Variants in TEAD1 observed in about 807,000 individuals in gnomAD.
TEAD1 encodes the protein TEA domain transcription factor 1, also known as transcriptional enhancer factor TEF-1.
In TEAD1, 9 loss-of-function variants were observed where a neutral mutation model predicts 54.9. That is an observed-to-expected ratio of 0.16 (90% CI 0.10 to 0.29). The LOEUF (loss-of-function observed/expected upper bound fraction) is 0.29, where lower values mean the gene tolerates loss of function less well. Among genes scored for constraint, TEAD1 ranks in the 10% least tolerant of loss-of-function variants. The pLI, the probability that TEAD1 is intolerant of heterozygous loss-of-function variation, is 1.00. For missense variants in TEAD1, 387 were observed against 535.9 expected (o/e 0.72, Z 2.74); for synonymous variants, 200 against 187.8 (o/e 1.07, Z -0.53).
At chr11:12,906,012 C>G (rs967895532) in intron 10 of TEAD1, among the ~76,000 whole-genome samples, 11 of 152,100 alleles carry the variant, frequency 7.2e-5, no homozygotes, top group Admixed American at 3.9e-4. Flanking sequence ...AGTAGTCACT[C>G]CACTGATTTT....
intron 3 of TEAD1, among the ~76,000 whole-genome samples, chr11:12,847,706 A>G (rs1441395019): frequency 6.6e-6 from 1 of 152,176 alleles, no homozygotes; most frequent in Admixed American, 6.5e-5. Context: ...TTTAGTTTTT[A>G]GAGACGGGTC....
intron 10 of TEAD1, chr11:12,922,772 T>C (rs1948832945): frequency 6.6e-6 from 1 of 151,496 alleles, no homozygotes; most frequent in Non-Finnish European, 1.5e-5. Context: ...CTACTAGAAA[T>C]ACAGAAATTA....
chr11:12,813,884 A>G (rs1946358885), intron 3 of TEAD1, among the ~76,000 whole-genome samples: 1 of 152,114 alleles, frequency 6.6e-6, no homozygotes, highest in Non-Finnish European at 1.5e-5. Context: ...TCACCAGCCA[A>G]GGTGGAGGAG....
At chr11:12,771,745 G>A (rs888093615) in intron 3 of TEAD1, among the ~76,000 whole-genome samples, 2 of 152,190 alleles carry the variant, frequency 1.3e-5, no homozygotes, top group Non-Finnish European at 2.9e-5. Context: ...CATCAGAGAA[G>A]TGATCTGATA....
chr11:12,742,821 AT>A (rs1283123427), intron 2 of TEAD1, among the ~76,000 whole-genome samples: 6 of 152,244 alleles, frequency 3.9e-5, no homozygotes, highest in Admixed American at 3.9e-4. Flanking sequence ...TACAAGGTGT[AT>A]TTCCTTAAAC....
intron 2 of TEAD1, among the ~76,000 whole-genome samples, chr11:12,705,837 C>G (rs971328406): frequency 6.6e-6 from 1 of 152,114 alleles, no homozygotes; most frequent in African/African-American, 2.4e-5. Flanking sequence ...GCTGACCACT[C>G]AAGGAAAAGT....
chr11:12,714,339 T>TG (rs1944009592), intron 2 of TEAD1, among the ~76,000 whole-genome samples: 1 of 152,208 alleles, frequency 6.6e-6, no homozygotes, highest in South Asian at 2.1e-4. Flanking sequence ...CCAGCAGCTC[T>TG]GGGCCATTTA....
intron 9 of TEAD1, among the ~76,000 whole-genome samples, chr11:12,893,383 C>T (rs570789374): frequency 2.0e-5 from 3 of 152,232 alleles, no homozygotes; most frequent in South Asian, 2.1e-4. Context: ...GAGCCCCTCC[C>T]GGCCCAGGGC....
chr11:12,892,460 A>G (rs1298167563), intron 9 of TEAD1, among the ~76,000 whole-genome samples: 1 of 152,172 alleles, frequency 6.6e-6, no homozygotes, highest in Non-Finnish European at 1.5e-5. Context: ...CCTGGCCAAC[A>G]TGGTGAATCC....
intron 4 of TEAD1, 38 bp from the exon 5 acceptor site, chr11:12,864,800 G>C (rs1403646165): frequency 1.2e-6 from 2 of 1,613,692 alleles, no homozygotes; most frequent in African/African-American, 1.3e-5. Context: ...ATGGTTACAG[G>C]CTTTTCCTTT....
At chr11:12,747,082 A>C (rs1944760763) in intron 2 of TEAD1, among the ~76,000 whole-genome samples, 1 of 152,218 alleles carries the variant, frequency 6.6e-6, no homozygotes, top group African/African-American at 2.4e-5. Flanking sequence ...CTGTGGTTCT[A>C]GTCTAAGGTA....
At chr11:12,722,156 A>T (rs999479097) in intron 2 of TEAD1, among the ~76,000 whole-genome samples, 5 of 152,198 alleles carry the variant, frequency 3.3e-5, no homozygotes, top group Admixed American at 1.3e-4. Flanking sequence ...TAAGGAGGAA[A>T]CTATTTCCCA....
At chr11:12,722,548 A>G (rs1944230101) in intron 2 of TEAD1, among the ~76,000 whole-genome samples, 1 of 152,218 alleles carries the variant, frequency 6.6e-6, no homozygotes, top group Non-Finnish European at 1.5e-5. Context: ...GTTTTGGTCC[A>G]TGCTAAAAAA....
intron 2 of TEAD1, among the ~76,000 whole-genome samples, chr11:12,701,967 C>G (rs115099644): frequency 0.018 from 2,777 of 152,312 alleles, 86 homozygotes; most frequent in African/African-American, 0.063. Flanking sequence ...CAAACTGATG[C>G]AGAGCTGCCT....
chr11:12,684,486 C>T lies in TEAD1; in HGVS notation c.-55+8925C>T, dbSNP rs546384690. Reference sequence around the variant, plus strand: ...AGGGTCTTCGGCCTTCTTGTAAAACCATTGCATAATCCCCCCTGGGGTGCA... The same window carrying T: ...AGGGTCTTCGGCCTTCTTGTAAAACTATTGCATAATCCCCCCTGGGGTGCA... On this transcript the variant is annotated intron_variant, in intron 2 of 12. Transcript: ENST00000527636. Among the ~76,000 whole-genome samples the T allele has an allele frequency of 9.2e-4, 140 of 152,292 alleles. 1 individual carries two copies. Among genetic ancestry groups the T allele is most frequent in the African/African-American group, 3.2e-3 (131 of 41,550 alleles).
intron 2 of TEAD1, among the ~76,000 whole-genome samples, chr11:12,679,649 T>C (rs1399466820): frequency 2.7e-5 from 4 of 148,012 alleles, no homozygotes; most frequent in Non-Finnish European, 6.0e-5. Flanking sequence ...ACTGTGCTGC[T>C]TTTTTTTTTA....
chr11:12,829,324 A>G (rs1465238613), intron 3 of TEAD1, among the ~76,000 whole-genome samples: 1 of 152,252 alleles, frequency 6.6e-6, no homozygotes, highest in South Asian at 2.1e-4. Context: ...TTGCCTACCA[A>G]ACGTCTCCCT....
At chr11:12,680,605 C>G (rs766115372) in intron 2 of TEAD1, among the ~76,000 whole-genome samples, 2 of 152,236 alleles carry the variant, frequency 1.3e-5, no homozygotes, top group Non-Finnish European at 2.9e-5. Context: ...ATCTGGTTTT[C>G]TCTCTGTTCA....
At chr11:12,785,650 GC>G (rs1384737705) in intron 3 of TEAD1, among the ~76,000 whole-genome samples, 2 of 152,104 alleles carry the variant, frequency 1.3e-5, no homozygotes, top group Non-Finnish European at 2.9e-5. Context: ...TGGTCCTATG[GC>G]CCACATGACT....
Sources: allele counts gnomAD v4.1 joint callset (sites outside exome capture counted in the v4.1 genomes callset), GRCh38; gene constraint gnomAD v4.1.1; transcripts MANE v1.5; gene names NCBI Gene and HGNC (gene_info 2026-07-23, HGNC 2026-07-21).